The following OXSR1 variants were observed in gnomAD, a reference collection of about 807,000 sequenced individuals.
The protein encoded by OXSR1 is serine/threonine-protein kinase OSR1.
Under a neutral mutation model 79.8 loss-of-function variants are expected in OXSR1, and 24 were observed. That is an observed-to-expected ratio of 0.30 (90% CI 0.22 to 0.42). The LOEUF is 0.42. Among genes scored for constraint, OXSR1 ranks in the 10% least tolerant of loss-of-function variants. OXSR1 has a pLI of 1.00. For missense variants in OXSR1, 430 were observed against 618.4 expected (o/e 0.70, Z 3.23); for synonymous variants, 226 against 209.2 (o/e 1.08, Z -0.69).
At chr3:38,234,803 A>G (rs745513213) in intron 10 of OXSR1, among the ~76,000 whole-genome samples, 2 of 152,270 alleles carry the variant, frequency 1.3e-5, no homozygotes, top group Non-Finnish European at 2.9e-5. Context: ...TAGCAGCATT[A>G]TTCGTAATAA....
rs1016369679 is a variant in OXSR1 at position 38,221,724 on chromosome 3, G to T, written c.600+37G>T. ...TTTTTTCTGTTTTAAATGGGTTAGGGCTTTGTTTTGAAACTGAAAAAACTT... is the reference window on the plus strand; with the variant it reads ...TTTTTTCTGTTTTAAATGGGTTAGGTCTTTGTTTTGAAACTGAAAAAACTT... On this transcript the variant is annotated intron_variant, in intron 6 of 17. Transcript: ENST00000311806. 17 of 1,272,806 alleles carry T rather than the reference G, an allele frequency of 1.3e-5. No individual in the cohort carries two copies. In the Admixed American group the frequency reaches 1.9e-4, roughly 14 times the overall value. 78.8% of individuals were successfully genotyped at this position (1,272,806 alleles called of 1,614,324 possible). A position where few individuals can be genotyped will look rare whatever the true frequency, so the allele number is the denominator to read the frequency against.
In OXSR1 at chr3:38,254,551, AAAG is replaced by A. The variant is rs1703322457; in HGVS notation, c.*1665_*1667del. On this transcript the variant is annotated 3_prime_UTR_variant, in exon 18 of 18. Coordinates refer to ENST00000311806, the MANE Select transcript of OXSR1 (RefSeq NM_005109.3). ...GGAGCCTGCTGAGCCAGGAGGGAGA[AAAG>A]AAGATTGACCAGCTTGCTAGAAAAA... 12 of 319,970 alleles carry A rather than the reference AAAG, an allele frequency of 3.8e-5. No individual in the cohort carries two copies. In the Admixed American group the frequency reaches 4.0e-4, roughly 11 times the overall value. 19.8% of individuals were successfully genotyped at this position (319,970 alleles called of 1,614,324 possible).
chr3:38,249,094 A>G (rs1006005222), intron 14 of OXSR1, among the ~76,000 whole-genome samples: 5 of 152,186 alleles, frequency 3.3e-5, no homozygotes, highest in African/African-American at 1.2e-4. Context: ...TATATTTGAG[A>G]TGGGTAGTTC....
At chr3:38,246,005 A>C in intron 12 of OXSR1, 70 bp from the exon 13 acceptor site, 2 of 1,407,598 alleles carry the variant, frequency 1.4e-6, no homozygotes, top group South Asian at 2.3e-5. Flanking sequence ...TGAAAGGCTG[A>C]ACTTGCTGTC....
intron 4 of OXSR1, 23 bp from the exon 5 acceptor site, chr3:38,216,073 T>C: frequency 6.8e-7 from 1 of 1,478,928 alleles, no homozygotes; most frequent in South Asian, 1.2e-5. Flanking sequence ...TTTTGATACA[T>C]AACTTTTTTT....
In OXSR1 at chr3:38,180,185, C is replaced by T. The variant is rs528973864; in HGVS notation, c.71-2818C>T. ...TCTCGAACTCTGGTTTCAAGTGATC[C>T]ACCAGCCTCAGCCGCCTAAAGTGCT... On this transcript the variant is annotated intron_variant, in intron 1 of 17. Transcript: ENST00000311806. Among the ~76,000 whole-genome samples, 3 of 152,190 alleles carry T rather than the reference C, an allele frequency of 2.0e-5. 1 individual carries two copies. The South Asian group carries it at 6.2e-4, about 31-fold the overall frequency.
chr3:38,247,751 T>G lies in OXSR1; in HGVS notation c.1322+19T>G, dbSNP rs773953183. On this transcript the variant is annotated intron_variant, in intron 14 of 17. Coordinates refer to ENST00000311806, the MANE Select transcript of OXSR1 (RefSeq NM_005109.3). ...GATTAAGGTAAGTAGACATTTTTTG[T>G]TTTGTTTTCTTTTGTTTTCTGAATA... The G allele has an allele frequency of 7.0e-7, 1 of 1,436,444 alleles. No homozygotes were observed. The highest frequency in any genetic ancestry group is 9.8e-7 in the Non-Finnish European group (1 of 1,020,306). 89.0% of individuals were successfully genotyped at this position (1,436,444 alleles called of 1,614,324 possible). A position where few individuals can be genotyped will look rare whatever the true frequency, so the allele number is the denominator to read the frequency against.
intron 3 of OXSR1, among the ~76,000 whole-genome samples, chr3:38,198,351 A>G (rs1702103180): frequency 6.6e-6 from 1 of 152,178 alleles, no homozygotes; most frequent in African/African-American, 2.4e-5. Flanking sequence ...TTAGTCATAC[A>G]GCAGTGCATA....
chr3:38,242,636 C>T, intron 11 of OXSR1, 107 bp from the exon 12 acceptor site: 1 of 570,576 alleles, frequency 1.8e-6, no homozygotes, highest in Non-Finnish European at 3.2e-6. Flanking sequence ...ATATATGGAT[C>T]AGAATTAAAT....
chr3:38,254,101 C>CT lies in OXSR1; in HGVS notation c.*1213dup. 1 of 398,348 alleles carries CT rather than the reference C, an allele frequency of 2.5e-6. No homozygotes were observed. Among genetic ancestry groups the CT allele is most frequent in the Non-Finnish European group, 4.4e-6 (1 of 225,700 alleles). 24.7% of individuals were successfully genotyped at this position (398,348 alleles called of 1,614,324 possible). A position where few individuals can be genotyped will look rare whatever the true frequency, so the allele number is the denominator to read the frequency against. On this transcript the variant is annotated 3_prime_UTR_variant, in exon 18 of 18. Transcript: ENST00000311806. ...TTCTTTTTTCCTACCGTTTCATAGT[C>CT]TTTGTCTAACTGCTAGTAACCCTAC...
At chr3:38,171,875 T>A (rs6778308) in intron 1 of OXSR1, among the ~76,000 whole-genome samples, 1,638 of 152,290 alleles carry the variant, frequency 0.011, 22 homozygotes, top group African/African-American at 0.037. Context: ...CTGTAAAAAT[T>A]TGGGCTTTGG....
At chr3:38,183,617 C>G (rs964382925) in intron 2 of OXSR1, among the ~76,000 whole-genome samples, 2 of 152,118 alleles carry the variant, frequency 1.3e-5, no homozygotes, top group African/African-American at 4.8e-5. Flanking sequence ...AGTGGAATAT[C>G]CTTTGAAAGG....
chr3:38,192,877 A>G (rs1478454266), intron 3 of OXSR1, among the ~76,000 whole-genome samples: 1 of 152,184 alleles, frequency 6.6e-6, no homozygotes, highest in Non-Finnish European at 1.5e-5. Flanking sequence ...GTGGGGGAGT[A>G]TGATTTTTCA....
chr3:38,191,751 A>G (rs1701988108), intron 3 of OXSR1, among the ~76,000 whole-genome samples: 1 of 102,174 alleles, frequency 9.8e-6, no homozygotes, highest in Non-Finnish European at 2.0e-5. Flanking sequence ...GTAGCTAGCA[A>G]GTAATCTTAC....
chr3:38,192,383 G>A (rs1401269748), intron 3 of OXSR1, among the ~76,000 whole-genome samples: 2 of 152,020 alleles, frequency 1.3e-5, no homozygotes, highest in South Asian at 2.1e-4. Context: ...TTTTTTCCTC[G>A]GGAATGGTAC....
intron 1 of OXSR1, among the ~76,000 whole-genome samples, chr3:38,177,172 G>C (rs564995326): frequency 6.8e-4 from 103 of 152,328 alleles, no homozygotes; most frequent in Non-Finnish European, 9.4e-4. Context: ...CTTGAGAAAT[G>C]CCTTTCTTGT....
chr3:38,222,320 G>A (rs1490636907), intron 6 of OXSR1, among the ~76,000 whole-genome samples: 1 of 152,206 alleles, frequency 6.6e-6, no homozygotes, highest in Non-Finnish European at 1.5e-5. Flanking sequence ...AAGGGGCTTT[G>A]GAGACAGGCT....
At chr3:38,179,173 CAT>C (rs1200459787) in intron 1 of OXSR1, among the ~76,000 whole-genome samples, 5 of 151,814 alleles carry the variant, frequency 3.3e-5, no homozygotes, top group African/African-American at 9.7e-5. Flanking sequence ...TGGGACTACA[CAT>C]GTGTGCCATA....
At chr3:38,179,416 C>A (rs185001319) in intron 1 of OXSR1, among the ~76,000 whole-genome samples, 13 of 152,248 alleles carry the variant, frequency 8.5e-5, no homozygotes, top group Admixed American at 8.5e-4. Context: ...GTCCTCCCGC[C>A]TTGGCCTCCC....
Sources: allele counts gnomAD v4.1 joint callset (sites outside exome capture counted in the v4.1 genomes callset), GRCh38; gene constraint gnomAD v4.1.1; transcripts MANE v1.5; gene names NCBI Gene and HGNC (gene_info 2026-07-23, HGNC 2026-07-21).